The following FMN1 variants were observed in gnomAD, a reference collection of about 807,000 sequenced individuals.
FMN1 encodes formin-1.
FMN1 carries 110 observed loss-of-function variants against 132.4 expected under a neutral mutation model. That is an observed-to-expected ratio of 0.83 (90% CI 0.71 to 0.97). The LOEUF (loss-of-function observed/expected upper bound fraction) is 0.97. Among genes scored for constraint, FMN1 ranks in the 50% least tolerant of loss-of-function variants. The pLI, the probability that FMN1 is intolerant of heterozygous loss-of-function variation, is 0.00. For missense variants in FMN1, 1,792 were observed against 1,705.3 expected (o/e 1.05, Z -0.90); for synonymous variants, 722 against 651.7 (o/e 1.11, Z -1.64).
chr15:32,988,160 G>A (rs1270232118), intron 7 of FMN1, among the ~76,000 whole-genome samples: 1 of 148,940 alleles, frequency 6.7e-6, no homozygotes, highest in Non-Finnish European at 1.5e-5. Flanking sequence ...GTAGGACATA[G>A]TCAATCTGGA....
intron 7 of FMN1, among the ~76,000 whole-genome samples, chr15:32,981,489 G>A (rs1041168901): frequency 4.0e-5 from 6 of 149,866 alleles, no homozygotes; most frequent in South Asian, 2.1e-4. Flanking sequence ...CTGCACTCCA[G>A]CCTGGGCAAC....
At position 32,773,961 on chromosome 15, in the gene FMN1, C is replaced by CA. The variant is rs2056331253; in HGVS notation, c.*348dup. The CA allele has an allele frequency of 3.4e-6, 1 of 294,778 alleles. No homozygotes were observed. The highest frequency in any genetic ancestry group is 5.6e-5 in the Admixed American group (1 of 17,740). 18.3% of individuals were successfully genotyped at this position (294,778 alleles called of 1,614,324 possible). On this transcript the variant is annotated 3_prime_UTR_variant, in exon 21 of 21. Coordinates refer to ENST00000616417, the MANE Select transcript of FMN1 (RefSeq NM_001277313.2). The stretch of plus-strand genomic sequence containing the variant: ...TTTTCTCTCTTCTGTGACAATGTGA[C>CA]ATATATCAAGCTTTGGTTATAAAGC...
chr15:33,150,262 G>A, intron 4 of FMN1: 2 of 985,432 alleles, frequency 2.0e-6, no homozygotes, highest in Non-Finnish European at 2.4e-6. Flanking sequence ...TGCTTTGCAG[G>A]CTAGCACAAC....
Position 33,066,926 on chromosome 15 carries a change from T to C in FMN1, c.2044-1852A>G, listed in dbSNP as rs745568707. 3.7e-6 allele frequency: 6 copies of C among 1,613,996 alleles called. No individual in the cohort carries two copies. The South Asian group carries it at 5.5e-5, about 15-fold the overall frequency. ...ACTCTTCACTGTCTGCAGCCCTGCCTGCACTAAGGACTTCTGCACAGGCTG... is the reference window on the plus strand; with the variant it reads ...ACTCTTCACTGTCTGCAGCCCTGCCCGCACTAAGGACTTCTGCACAGGCTG... On this transcript the variant is annotated intron_variant, in intron 5 of 20. Coordinates refer to ENST00000616417, the MANE Select transcript of FMN1 (RefSeq NM_001277313.2).
intron 4 of FMN1, among the ~76,000 whole-genome samples, chr15:33,128,781 C>G (rs1017332641): frequency 6.6e-6 from 1 of 152,222 alleles, no homozygotes; most frequent in Non-Finnish European, 1.5e-5. Context: ...TGGACCCAAA[C>G]GGTGAGCAGC....
At chr15:33,012,289 T>C in intron 6 of FMN1, 1 of 747,454 alleles carries the variant, frequency 1.3e-6, no homozygotes, top group South Asian at 1.4e-5. Flanking sequence ...CCAGAGGCTT[T>C]GGGTTTGTCT....
chr15:33,194,330 A>G (rs1485640552), intron 1 of FMN1, among the ~76,000 whole-genome samples: 1 of 142,934 alleles, frequency 7.0e-6, no homozygotes, highest in Non-Finnish European at 1.5e-5. Context: ...CTGAGAGTCA[A>G]CGACAGGAGT....
chr15:33,091,931 G>C (rs2038918511), intron 4 of FMN1, among the ~76,000 whole-genome samples: 1 of 152,058 alleles, frequency 6.6e-6, no homozygotes, highest in African/African-American at 2.4e-5. Context: ...GTGAAAAACT[G>C]AATCAGTCTT....
intron 17 of FMN1, among the ~76,000 whole-genome samples, chr15:32,834,006 C>T (rs1182386829): frequency 1.3e-5 from 2 of 152,108 alleles, no homozygotes; most frequent in East Asian, 3.9e-4. Flanking sequence ...CACCCTGACC[C>T]TTCTCATCAT....
intron 15 of FMN1, among the ~76,000 whole-genome samples, 195 bp from the exon 16 acceptor site, chr15:32,888,487 T>C (rs1198270424): frequency 2.0e-5 from 3 of 152,250 alleles, no homozygotes; most frequent in African/African-American, 7.2e-5. Flanking sequence ...AATCTCTTTT[T>C]GGACTTATTG....
In FMN1 at chr15:32,768,279, G is replaced by A. The variant is rs1363073796; in HGVS notation, c.*6031C>T. ...CCTTTCATTTGGGAAAGACAGATCT[G>A]GAAAGCGAACCCAGTTAACAGTCAA... On this transcript the variant is annotated 3_prime_UTR_variant, in exon 21 of 21. Transcript: ENST00000616417. The A allele has an allele frequency of 6.6e-6, 1 of 152,162 alleles. No individual in the cohort carries two copies. Among genetic ancestry groups the A allele is most frequent in the Non-Finnish European group, 1.5e-5 (1 of 68,052 alleles). The allele number at this position is 152,162 out of a possible 1,614,324, so 9.4% of individuals were successfully genotyped here. A position where few individuals can be genotyped will look rare whatever the true frequency, so the allele number is the denominator to read the frequency against.
chr15:32,823,192 T>A (rs1482567707), intron 17 of FMN1, among the ~76,000 whole-genome samples: 2 of 136,774 alleles, frequency 1.5e-5, no homozygotes, highest in South Asian at 2.3e-4. Flanking sequence ...GACAGAGTCT[T>A]GCTCTATCAC....
intron 16 of FMN1, among the ~76,000 whole-genome samples, chr15:32,870,704 A>G (rs2059495126): frequency 6.6e-6 from 1 of 152,198 alleles, no homozygotes; most frequent in South Asian, 2.1e-4. Context: ...ATATTCATTA[A>G]TCACCTACCC....
chr15:33,154,066 C>A lies in FMN1; in HGVS notation c.849G>T (p.Arg283Ser). Reference sequence around the variant, plus strand: ...GCTGATGCTCCAGCCCGCTCGGCGGCCTCCGAATGCCATCCCCTCCTGCCT... The same window carrying A: ...GCTGATGCTCCAGCCCGCTCGGCGGACTCCGAATGCCATCCCCTCCTGCCT... ...STEAGGDGIR[R>S]PPSGLEHQQT... The change falls in exon 4 of 21, where the codon AGG becomes AGT. Residue 283 changes from arginine to serine, a missense_variant. Arg to Ser is a moderately radical substitution (Grantham distance 110, BLOSUM62 -1). Around this residue, in one of 3 missense-constraint regions of FMN1, gnomAD observed 638 missense variants for 645.2 expected, o/e 0.99. Transcript: ENST00000616417. The A allele has an allele frequency of 6.5e-7, 1 of 1,536,062 alleles. No individual in the cohort carries two copies. The highest frequency in any genetic ancestry group is 8.7e-7 in the Non-Finnish European group (1 of 1,146,822).
chr15:32,979,684 G>A (rs539928656), intron 7 of FMN1, among the ~76,000 whole-genome samples: 1 of 151,740 alleles, frequency 6.6e-6, no homozygotes, highest in African/African-American at 2.4e-5. Flanking sequence ...GAGTTTTACA[G>A]TGCTATTATT....
chr15:33,102,196 A>G (rs140078711), intron 4 of FMN1, among the ~76,000 whole-genome samples: 3 of 152,272 alleles, frequency 2.0e-5, no homozygotes. Context: ...GTTTTCCCCT[A>G]TATCAGGACC....
intron 9 of FMN1, among the ~76,000 whole-genome samples, chr15:32,930,710 T>C (rs2061091774): frequency 6.6e-6 from 1 of 151,366 alleles, no homozygotes; most frequent in Non-Finnish European, 1.5e-5. Context: ...TCTGTTATTT[T>C]TGCTTTTTTT....
At chr15:33,061,750 A>G (rs1406212755) in intron 6 of FMN1, among the ~76,000 whole-genome samples, 1 of 152,138 alleles carries the variant, frequency 6.6e-6, no homozygotes, top group Non-Finnish European at 1.5e-5. Context: ...AAGGCCCCCA[A>G]CAGTCCTAAA....
intron 17 of FMN1, among the ~76,000 whole-genome samples, chr15:32,830,175 T>C (rs750126865): frequency 2.0e-5 from 3 of 151,278 alleles, no homozygotes; most frequent in Non-Finnish European, 4.4e-5. Flanking sequence ...AAAAAAAAAG[T>C]AAATGAAGTT....
Sources: gnomAD v4.1 joint callset for allele counts (sites outside exome capture counted in the v4.1 genomes callset) on GRCh38, gnomAD v4.1.1 for gene constraint, gnomAD v4.1.1 regional missense constraint, MANE v1.5 for transcripts, NCBI Gene and HGNC (gene_info 2026-07-23, HGNC 2026-07-21) for gene names.